The following CD86 variants were observed in gnomAD, a reference collection of about 807,000 sequenced individuals.
CD86 encodes T-lymphocyte activation antigen CD86.
Under a neutral mutation model 32.1 loss-of-function variants are expected in CD86, and 11 were observed. That is an observed-to-expected ratio of 0.34 (90% CI 0.22 to 0.57). The LOEUF (loss-of-function observed/expected upper bound fraction) is 0.57, where lower values mean the gene tolerates loss of function less well. CD86 is among the 20% of genes least tolerant of loss of function. The pLI, the probability that CD86 is intolerant of heterozygous loss-of-function variation, is 0.86. For synonymous variants in CD86, 137 were observed against 135.3 expected (o/e 1.01, Z -0.09); for missense variants, 359 against 398.4 (o/e 0.90, Z 0.84).
At chr3:122,061,983 A>T (rs1276590511) in intron 1 of CD86, among the ~76,000 whole-genome samples, 2 of 152,120 alleles carry the variant, frequency 1.3e-5, no homozygotes, top group Non-Finnish European at 2.9e-5. Flanking sequence ...TGTGTGCAAG[A>T]TGTTACCACT....
intron 1 of CD86, among the ~76,000 whole-genome samples, chr3:122,089,197 A>G (rs747870493): frequency 1.3e-5 from 2 of 152,200 alleles, no homozygotes; most frequent in Non-Finnish European, 2.9e-5. Flanking sequence ...TTATTGTTTA[A>G]TAGGTATAGA....
chr3:122,113,779 A>G (rs2073209846), intron 5 of CD86, among the ~76,000 whole-genome samples: 1 of 152,314 alleles, frequency 6.6e-6, no homozygotes, highest in East Asian at 1.9e-4. Context: ...AGCTCAAGTA[A>G]CTGATGATGC....
At chr3:122,086,225 T>C (rs528444614) in intron 1 of CD86, among the ~76,000 whole-genome samples, 1 of 152,188 alleles carries the variant, frequency 6.6e-6, no homozygotes, top group Non-Finnish European at 1.5e-5. Flanking sequence ...TAAATAACCT[T>C]CTGAGGCACC....
intron 6 of CD86, among the ~76,000 whole-genome samples, chr3:122,118,605 G>A (rs2073293582): frequency 6.6e-6 from 1 of 152,160 alleles, no homozygotes; most frequent in Admixed American, 6.5e-5. Flanking sequence ...ACTAGAAAAT[G>A]TCAACTTGTT....
chr3:122,063,268 A>C (rs1051994480), intron 1 of CD86, among the ~76,000 whole-genome samples: 3 of 152,178 alleles, frequency 2.0e-5, no homozygotes, highest in Non-Finnish European at 4.4e-5. Flanking sequence ...AAGATATATA[A>C]ACTACCATTT....
At chr3:122,113,212 A>G (rs2073201441) in intron 5 of CD86, among the ~76,000 whole-genome samples, 1 of 152,264 alleles carries the variant, frequency 6.6e-6, no homozygotes, top group Non-Finnish European at 1.5e-5. Flanking sequence ...GTAATATTCC[A>G]TGAGGGATAT....
intron 1 of CD86, among the ~76,000 whole-genome samples, chr3:122,080,125 G>A (rs1056815534): frequency 2.6e-5 from 4 of 152,088 alleles, no homozygotes; most frequent in Admixed American, 2.6e-4. Flanking sequence ...CCATGATGCT[G>A]TTTCTGAGAA....
At chr3:122,112,576 A>C (rs1211066053) in intron 5 of CD86, among the ~76,000 whole-genome samples, 2 of 152,186 alleles carry the variant, frequency 1.3e-5, no homozygotes, top group Non-Finnish European at 2.9e-5. Flanking sequence ...CCAACATTTA[A>C]ACAGAAATAT....
chr3:122,097,519 T>G (rs1358966214), intron 2 of CD86, among the ~76,000 whole-genome samples: 2 of 152,174 alleles, frequency 1.3e-5, no homozygotes, highest in African/African-American at 4.8e-5. Context: ...TTTCCCCACA[T>G]AGAGTGAGTA....
rs1296116224 is a variant in CD86, at chr3:122,120,346, G to A, written c.*812G>A. 1 of 152,262 alleles carries A rather than the reference G, an allele frequency of 6.6e-6. No homozygotes were observed. Among genetic ancestry groups the A allele is most frequent in the Non-Finnish European group, 1.5e-5 (1 of 68,098 alleles). The allele number at this position is 152,262 out of a possible 1,614,324, so 9.4% of individuals were successfully genotyped here. A position where few individuals can be genotyped will look rare whatever the true frequency, so the allele number is the denominator to read the frequency against. ...TTTCTCTTGAAGAACTGACTAGTGA[G>A]ATGGCCTGGGGAAGCTGTGAAAGAA... On this transcript the variant is annotated 3_prime_UTR_variant, in exon 7 of 7. Coordinates refer to ENST00000330540, the MANE Select transcript of CD86 (RefSeq NM_175862.5).
intron 1 of CD86, among the ~76,000 whole-genome samples, chr3:122,068,618 T>G (rs563276908): frequency 6.6e-6 from 1 of 152,360 alleles, no homozygotes; most frequent in East Asian, 1.9e-4. Context: ...TACTTTGAGT[T>G]CTGAAAGGTG....
chr3:122,091,165 C>A (rs1464290113), intron 1 of CD86, among the ~76,000 whole-genome samples: 2 of 152,154 alleles, frequency 1.3e-5, no homozygotes, highest in Non-Finnish European at 2.9e-5. Context: ...CATTGTAGAT[C>A]AGTTGTGGGA....
intron 4 of CD86, among the ~76,000 whole-genome samples, chr3:122,108,788 G>A (rs1005915809): frequency 1.3e-5 from 2 of 152,130 alleles, no homozygotes; most frequent in Non-Finnish European, 2.9e-5. Context: ...TAGAGGTAGG[G>A]GCCTGTGGAA....
chr3:122,076,207 C>T (rs1042283271), intron 1 of CD86, among the ~76,000 whole-genome samples: 79 of 152,136 alleles, frequency 5.2e-4, no homozygotes, highest in African/African-American at 1.7e-3. Context: ...AATAATGAAA[C>T]AGATTTTACA....
intron 3 of CD86, among the ~76,000 whole-genome samples, chr3:122,105,469 A>AT (rs149194645): frequency 6.6e-6 from 1 of 152,136 alleles, no homozygotes; most frequent in South Asian, 2.1e-4. Flanking sequence ...AGAACAAGGG[A>AT]TTTTTTCTGA....
At chr3:122,105,283 A>G (rs2073073501) in intron 3 of CD86, among the ~76,000 whole-genome samples, 1 of 152,194 alleles carries the variant, frequency 6.6e-6, no homozygotes, top group South Asian at 2.1e-4. Context: ...ATGAAGCTAA[A>G]CACGGTCTGG....
At chr3:122,082,569 C>A (rs1475968864) in intron 1 of CD86, among the ~76,000 whole-genome samples, 2 of 152,218 alleles carry the variant, frequency 1.3e-5, no homozygotes, top group African/African-American at 2.4e-5. Flanking sequence ...GTGAATGAAT[C>A]CTACACTAGG....
chr3:122,097,201 T>C (rs1236451404), intron 2 of CD86, among the ~76,000 whole-genome samples: 1 of 152,218 alleles, frequency 6.6e-6, no homozygotes, highest in East Asian at 1.9e-4. Flanking sequence ...CTAGTTATTC[T>C]TGAGATTTTT....
chr3:122,097,798 G>A (rs1439860315), intron 2 of CD86, among the ~76,000 whole-genome samples: 1 of 152,160 alleles, frequency 6.6e-6, no homozygotes, highest in Non-Finnish European at 1.5e-5. Flanking sequence ...TCAAGGCAGG[G>A]AGTGGAAAAG....
Sources: gnomAD v4.1 joint callset for allele counts (sites outside exome capture counted in the v4.1 genomes callset) on GRCh38, gnomAD v4.1.1 for gene constraint, MANE v1.5 for transcripts, NCBI Gene and HGNC (gene_info 2026-07-23, HGNC 2026-07-21) for gene names.